MAML3: variants seen among roughly 807,000 people sequenced by gnomAD.
The protein encoded by MAML3 is mastermind like transcriptional coactivator 3, also known as mastermind-like protein 3.
A neutral mutation model predicts 101.9 loss-of-function variants in MAML3; 27 were observed. That is an observed-to-expected ratio of 0.27 (90% CI 0.20 to 0.37). The LOEUF is 0.37. Among genes scored for constraint, MAML3 ranks in the 10% least tolerant of loss-of-function variants. The probability of loss-of-function intolerance (pLI) is 1.00; values close to 1 mark genes in which losing one functional copy is unlikely to be tolerated. For missense variants in MAML3, 1,316 were observed against 1,444.9 expected (o/e 0.91, Z 1.45); for synonymous variants, 501 against 555.9 (o/e 0.90, Z 1.39).
At chr4:140,062,133 T>A (rs1040902236) in intron 1 of MAML3, among the ~76,000 whole-genome samples, 3 of 152,208 alleles carry the variant, frequency 2.0e-5, no homozygotes, top group African/African-American at 7.2e-5. Context: ...CAGCAATCTC[T>A]CTTCTGGATA....
At chr4:140,038,226 T>C (rs62345563) in intron 1 of MAML3, among the ~76,000 whole-genome samples, 31,363 of 152,060 alleles carry the variant, frequency 0.21, 3,466 homozygotes, top group Non-Finnish European at 0.23. Context: ...ACCACAGAAC[T>C]TCAGAGCTGG....
At chr4:140,040,144 GA>G (rs1727057099) in intron 1 of MAML3, among the ~76,000 whole-genome samples, 1 of 152,176 alleles carries the variant, frequency 6.6e-6, no homozygotes, top group Admixed American at 6.5e-5. Context: ...TCTGGTCTCA[GA>G]GACACACAGG....
intron 1 of MAML3, among the ~76,000 whole-genome samples, chr4:140,121,607 C>G (rs1295910446): frequency 6.6e-6 from 1 of 152,202 alleles, no homozygotes. Flanking sequence ...TAGAGTTTTA[C>G]AGACATACTT....
chr4:140,133,014 T>A (rs113023202), intron 1 of MAML3: 1 of 406,614 alleles, frequency 2.5e-6, no homozygotes, highest in Non-Finnish European at 4.8e-6. Flanking sequence ...CAAAAATATG[T>A]TGAAGATTAT....
chr4:139,732,332 G>C (rs1048327006), intron 2 of MAML3, among the ~76,000 whole-genome samples: 15 of 152,040 alleles, frequency 9.9e-5, no homozygotes, highest in Admixed American at 6.6e-4. Context: ...CCTTCCTTCT[G>C]TGGTGTGCTG....
intron 1 of MAML3, among the ~76,000 whole-genome samples, chr4:140,077,467 A>T (rs1023281339): frequency 6.6e-6 from 1 of 152,180 alleles, no homozygotes; most frequent in Non-Finnish European, 1.5e-5. Context: ...CCCCTTCTCA[A>T]TACAACATTG....
intron 1 of MAML3, among the ~76,000 whole-genome samples, chr4:139,993,623 C>T (rs1373945002): frequency 6.6e-6 from 1 of 151,530 alleles, no homozygotes; most frequent in Non-Finnish European, 1.5e-5. Context: ...GTTGGGAGTT[C>T]GAGACCAGCC....
chr4:139,815,575 G>A (rs1401565010), intron 2 of MAML3, among the ~76,000 whole-genome samples: 2 of 152,142 alleles, frequency 1.3e-5, no homozygotes, highest in African/African-American at 4.8e-5. Context: ...GTTCTTAATA[G>A]ATCTATCTCC....
intron 1 of MAML3, among the ~76,000 whole-genome samples, chr4:140,132,175 A>G (rs1048253311): frequency 2.0e-5 from 3 of 152,218 alleles, no homozygotes; most frequent in Non-Finnish European, 2.9e-5. Context: ...GTTGAAGAAT[A>G]CAGAAAAGGA....
chr4:139,805,405 G>T (rs1730683543), intron 2 of MAML3, among the ~76,000 whole-genome samples: 1 of 152,116 alleles, frequency 6.6e-6, no homozygotes, highest in South Asian at 2.1e-4. Context: ...ATGACTTCTG[G>T]CTTGTCAGGT....
intron 1 of MAML3, among the ~76,000 whole-genome samples, chr4:140,057,316 T>C (rs1372948760): frequency 1.3e-5 from 2 of 152,186 alleles, no homozygotes; most frequent in Non-Finnish European, 2.9e-5. Flanking sequence ...CCAGGAGTAT[T>C]TGCCAGAAGA....
chr4:139,717,629 G>GC lies in MAML3; in HGVS notation c.*1693dup, dbSNP rs1728036054. On this transcript the variant is annotated 3_prime_UTR_variant, in exon 5 of 5. Transcript: ENST00000509479. ...CCGCCTCCTCTCCAAAAACACCTCTGCCCCCAGCTTTCCATGGCAACTCGC... is the reference window on the plus strand; with the variant it reads ...CCGCCTCCTCTCCAAAAACACCTCTGCCCCCCAGCTTTCCATGGCAACTCGC... 1 of 152,652 alleles carries GC rather than the reference G, an allele frequency of 6.6e-6. No individual in the cohort carries two copies. The highest frequency in any genetic ancestry group is 1.5e-5 in the Non-Finnish European group (1 of 68,424). 9.5% of individuals were successfully genotyped at this position (152,652 alleles called of 1,614,324 possible).
At chr4:140,063,475 T>TC (rs1727482997) in intron 1 of MAML3, among the ~76,000 whole-genome samples, 1 of 152,176 alleles carries the variant, frequency 6.6e-6, no homozygotes. Context: ...TCCCCTGTCC[T>TC]CCTCCCACAC....
At chr4:139,780,509 C>T (rs1049773475) in intron 2 of MAML3, among the ~76,000 whole-genome samples, 8 of 152,208 alleles carry the variant, frequency 5.3e-5, no homozygotes, top group African/African-American at 1.9e-4. Flanking sequence ...AGGTGGAATG[C>T]TTTACCTTGT....
intron 1 of MAML3, among the ~76,000 whole-genome samples, chr4:139,911,342 T>C (rs1446494279): frequency 6.6e-6 from 1 of 151,914 alleles, no homozygotes; most frequent in Non-Finnish European, 1.5e-5. Context: ...CTCAGCCTCC[T>C]GAGTGGCTGG....
Position 140,152,852 on chromosome 4 carries a change from G to A in MAML3, c.468+8C>T. 9 of 1,601,986 alleles carry A rather than the reference G, an allele frequency of 5.6e-6. No individual in the cohort carries two copies. Among genetic ancestry groups the A allele is most frequent in the Non-Finnish European group, 5.1e-6 (6 of 1,173,528 alleles). ...CGCGCCGCAAGCCCGCTGCCCGTGC[G>A]CCCTCACCATGATCAGCGTGTGGTT... On this transcript the variant is annotated splice_region_variant and intron_variant, in intron 1 of 4. Coordinates refer to ENST00000509479, the MANE Select transcript of MAML3 (RefSeq NM_018717.5).
intron 1 of MAML3, among the ~76,000 whole-genome samples, chr4:139,897,486 C>T (rs954760387): frequency 3.0e-4 from 46 of 152,148 alleles, no homozygotes; most frequent in Non-Finnish European, 5.1e-4. Flanking sequence ...ATTGTGCTTT[C>T]GGGGATCTTC....
At chr4:140,015,594 C>T (rs1023593559) in intron 1 of MAML3, among the ~76,000 whole-genome samples, 2 of 152,312 alleles carry the variant, frequency 1.3e-5, no homozygotes, top group Admixed American at 1.3e-4. Flanking sequence ...TCTGTTCTCA[C>T]TCCTGTTATT....
chr4:140,021,631 C>T (rs896073959), intron 1 of MAML3, among the ~76,000 whole-genome samples: 2 of 152,116 alleles, frequency 1.3e-5, no homozygotes, highest in Non-Finnish European at 2.9e-5. Flanking sequence ...TTTCTCTTCC[C>T]TCTCTGATTC....
Sources: allele counts gnomAD v4.1 joint callset (sites outside exome capture counted in the v4.1 genomes callset), GRCh38; gene constraint gnomAD v4.1.1; transcripts MANE v1.5; gene names NCBI Gene and HGNC (gene_info 2026-07-23, HGNC 2026-07-21).